Variants in ROBO1 observed in about 807,000 individuals in gnomAD.
ROBO1 encodes the protein roundabout homolog 1.
A neutral mutation model predicts 195.9 loss-of-function variants in ROBO1; 149 were observed. That is an observed-to-expected ratio of 0.76 (90% CI 0.67 to 0.87). ROBO1 has a LOEUF of 0.87. Ranked by LOEUF, ROBO1 falls within the 40% of genes least tolerant of loss-of-function variation. The pLI, the probability that ROBO1 is intolerant of heterozygous loss-of-function variation, is 0.00. For missense variants in ROBO1, 1,933 were observed against 2,068.3 expected (o/e 0.93, Z 1.27); for synonymous variants, 816 against 733.2 (o/e 1.11, Z -1.82).
In ROBO1 at chr3:79,616,308, T is replaced by C. The variant is rs543080919; in HGVS notation, c.-50-26347A>G. ...TGTCTCCACATCACTAGGTGCTCCA[T>C]GAATATTTCCTAGAGTGCACTTTGG... On this transcript the variant is annotated intron_variant, in intron 1 of 30. Transcript: ENST00000464233. 7.2e-5 allele frequency among the ~76,000 whole-genome samples: 11 copies of C among 152,288 alleles called. No individual in the cohort carries two copies. The East Asian group carries it at 2.1e-3, about 29-fold the overall frequency.
At chr3:79,755,041 C>T (rs1400731852) in intron 1 of ROBO1, among the ~76,000 whole-genome samples, 2 of 151,754 alleles carry the variant, frequency 1.3e-5, no homozygotes, top group African/African-American at 2.4e-5. Context: ...CCACCATGCC[C>T]GGCTAATTTT....
At chr3:79,337,497 C>T (rs952191514) in intron 2 of ROBO1, among the ~76,000 whole-genome samples, 1 of 152,136 alleles carries the variant, frequency 6.6e-6, no homozygotes, top group Admixed American at 6.5e-5. Context: ...GACGTGTTTG[C>T]TTCCCCTTCT....
At chr3:79,141,337 T>C (rs2080520584) in intron 2 of ROBO1, among the ~76,000 whole-genome samples, 1 of 152,186 alleles carries the variant, frequency 6.6e-6, no homozygotes, top group African/African-American at 2.4e-5. Context: ...ATTTCCTCTA[T>C]CGTCTCCTCA....
intron 2 of ROBO1, among the ~76,000 whole-genome samples, chr3:79,193,544 T>C (rs913058031): frequency 1.6e-4 from 24 of 150,698 alleles, no homozygotes; most frequent in Admixed American, 1.5e-3. Flanking sequence ...AGCCTAGATA[T>C]ATTTACCTTG....
chr3:78,882,640 T>G (rs951790680), intron 4 of ROBO1, among the ~76,000 whole-genome samples: 2 of 152,140 alleles, frequency 1.3e-5, no homozygotes, highest in Non-Finnish European at 2.9e-5. Flanking sequence ...TCAATGTCAG[T>G]ATATCCATCC....
chr3:79,323,268 G>A (rs942583592), intron 2 of ROBO1, among the ~76,000 whole-genome samples: 5 of 152,006 alleles, frequency 3.3e-5, no homozygotes, highest in Non-Finnish European at 5.9e-5. Flanking sequence ...TTTTAGTAGA[G>A]ACGGGGTTTC....
chr3:78,956,542 C>CA (rs1243546239), intron 3 of ROBO1, among the ~76,000 whole-genome samples: 1 of 152,118 alleles, frequency 6.6e-6, no homozygotes, highest in Non-Finnish European at 1.5e-5. Flanking sequence ...TCCACATCCC[C>CA]ATTGCCTGAA....
chr3:79,682,073 G>T (rs1464856546), intron 1 of ROBO1, among the ~76,000 whole-genome samples: 2 of 151,706 alleles, frequency 1.3e-5, no homozygotes, highest in East Asian at 3.9e-4. Context: ...CCTGCCTCAG[G>T]CATTGAATAT....
chr3:78,888,145 T>C (rs1046841513), intron 4 of ROBO1, among the ~76,000 whole-genome samples: 3 of 152,212 alleles, frequency 2.0e-5, no homozygotes, highest in Non-Finnish European at 2.9e-5. Flanking sequence ...ATTCCTGTTA[T>C]CAGTTCATCC....
At chr3:78,964,338 A>G in intron 3 of ROBO1, among the ~76,000 whole-genome samples, 1 of 152,146 alleles carries the variant, frequency 6.6e-6, no homozygotes, top group African/African-American at 2.4e-5. Flanking sequence ...ACCCGTAACC[A>G]TAGGATAAGC....
chr3:79,244,301 G>A (rs997489211), intron 2 of ROBO1, among the ~76,000 whole-genome samples: 1 of 152,004 alleles, frequency 6.6e-6, no homozygotes, highest in Non-Finnish European at 1.5e-5. Context: ...GCCCATATAG[G>A]CACTTAATGA....
chr3:79,481,182 G>A lies in ROBO1; in HGVS notation c.88+108642C>T, dbSNP rs549224951. Among the ~76,000 whole-genome samples the A allele has an allele frequency of 3.3e-5, 5 of 152,212 alleles. No homozygotes were observed. The South Asian group carries it at 8.3e-4, about 25-fold the overall frequency. ...ACTGCCTTGCAACGAAAATGCCAAG[G>A]AGAGTATGAACAGAAATTGTAAAAG... On this transcript the variant is annotated intron_variant, in intron 2 of 30. Coordinates refer to ENST00000464233, the MANE Select transcript of ROBO1 (RefSeq NM_002941.4).
chr3:78,800,357 C>T (rs1352146329), intron 4 of ROBO1, among the ~76,000 whole-genome samples: 1 of 151,938 alleles, frequency 6.6e-6, no homozygotes, highest in Non-Finnish European at 1.5e-5. Context: ...AAAGAATTGG[C>T]CTAATTATAA....
intron 1 of ROBO1, among the ~76,000 whole-genome samples, chr3:79,693,690 G>A (rs745807629): frequency 1.3e-5 from 2 of 151,508 alleles, no homozygotes; most frequent in African/African-American, 2.4e-5. Context: ...TTCCCCCTTC[G>A]ACCTTCCAAA....
At chr3:79,013,194 G>A (rs759789991) in intron 3 of ROBO1, among the ~76,000 whole-genome samples, 6 of 152,120 alleles carry the variant, frequency 3.9e-5, no homozygotes, top group South Asian at 2.1e-4. Flanking sequence ...AGGCTCTTCA[G>A]TGAGGAGTAC....
At chr3:78,655,937 T>TCA (rs2107640885) in intron 18 of ROBO1, among the ~76,000 whole-genome samples, 1 of 152,356 alleles carries the variant, frequency 6.6e-6, no homozygotes, top group East Asian at 1.9e-4. Flanking sequence ...TTGGCATCAT[T>TCA]CATAATTTAC....
intron 2 of ROBO1, among the ~76,000 whole-genome samples, chr3:79,166,577 T>A (rs1417794601): frequency 1.3e-5 from 2 of 150,246 alleles, no homozygotes; most frequent in East Asian, 3.9e-4. Context: ...TTTTTTTTTT[T>A]ATTTTTGAGA....
At chr3:79,470,978 T>C (rs1005007944) in intron 2 of ROBO1, among the ~76,000 whole-genome samples, 6 of 152,274 alleles carry the variant, frequency 3.9e-5, no homozygotes, top group South Asian at 4.1e-4. Context: ...TGATATTAAT[T>C]TATTGTGTAT....
At chr3:79,698,233 A>C (rs1411745272) in intron 1 of ROBO1, among the ~76,000 whole-genome samples, 1 of 151,526 alleles carries the variant, frequency 6.6e-6, no homozygotes, top group East Asian at 1.9e-4. Context: ...CAGTACAACT[A>C]TAACTATTAG....
Sources: gnomAD v4.1 joint callset for allele counts (sites outside exome capture counted in the v4.1 genomes callset) on GRCh38, gnomAD v4.1.1 for gene constraint, MANE v1.5 for transcripts, NCBI Gene and HGNC (gene_info 2026-07-23, HGNC 2026-07-21) for gene names.